FRYL: variants seen among roughly 807,000 people sequenced by gnomAD.
FRYL encodes FRY like transcription coactivator.
In FRYL, 150 loss-of-function variants were observed where a neutral mutation model predicts 351.2. The observed-to-expected ratio is 0.43, with a 90% CI of 0.37 to 0.49. FRYL has a LOEUF of 0.49. Among genes scored for constraint, FRYL ranks in the 20% least tolerant of loss-of-function variants. The probability of loss-of-function intolerance (pLI) is 0.00; values close to 1 mark genes in which losing one functional copy is unlikely to be tolerated. For missense variants in FRYL, 3,036 were observed against 3,619.3 expected, an observed-to-expected ratio of 0.84 and a Z score of 4.13; for synonymous variants, 1,153 against 1,257.1, an observed-to-expected ratio of 0.92 and a Z score of 1.75.
chr4:48,671,893 A>G (rs1762821107), intron 3 of FRYL, among the ~76,000 whole-genome samples: 1 of 145,762 alleles, frequency 6.9e-6, no homozygotes, highest in African/African-American at 2.5e-5. Flanking sequence ...AAAAAAAAAG[A>G]AGGAAAGACA....
intron 35 of FRYL, among the ~76,000 whole-genome samples, chr4:48,554,342 C>CT (rs1035961712): frequency 1.7e-3 from 242 of 145,114 alleles, no homozygotes; most frequent in South Asian, 5.7e-3. Flanking sequence ...CAACCAAATT[C>CT]TTTTTTTTTT....
At chr4:48,641,333 C>A (rs189103943) in intron 3 of FRYL, among the ~76,000 whole-genome samples, 356 of 152,084 alleles carry the variant, frequency 2.3e-3, no homozygotes, top group African/African-American at 8.2e-3. Flanking sequence ...GAAAAGCATA[C>A]CAGATGCTGT....
chr4:48,623,162 T>C lies in FRYL; in HGVS notation c.138A>G (p.Arg46=). ...GAAGATCTTCACCCCTCTGAAGAGA[T>C]CTGGACAATAGCTTCTCCTATGATT... ...MAEPLEKLLS[R]SLQRGEDLQF... The change falls in exon 5 of 64, where the codon AGA becomes AGG. Residue 46 remains arginine (R), a synonymous_variant. Coordinates refer to ENST00000358350, the MANE Select transcript of FRYL (RefSeq NM_015030.2). 6.4e-7 allele frequency: 1 copy of C among 1,555,050 alleles called. No individual in the cohort carries two copies. The highest frequency in any genetic ancestry group is 8.7e-7 in the Non-Finnish European group (1 of 1,147,724).
intron 2 of FRYL, among the ~76,000 whole-genome samples, chr4:48,688,658 ATTTTTT>A (rs11355390): frequency 4.6e-5 from 4 of 86,444 alleles, no homozygotes; most frequent in Non-Finnish European, 6.7e-5. Context: ...CTCTTAGTCA[ATTTTTT>A]TTTTTTTTTT....
In FRYL at chr4:48,705,469, T is replaced by TAA. The variant is rs1037874568; in HGVS notation, c.-204+5048_-204+5049dup. Among the ~76,000 whole-genome samples the TAA allele has an allele frequency of 7.7e-5, 9 of 116,548 alleles. No homozygotes were observed. In the South Asian group the frequency reaches 2.1e-3, roughly 27 times the overall value. The allele number at this position is 116,548 out of a possible 152,430, so 76.5% of individuals were successfully genotyped here. On this transcript the variant is annotated intron_variant, in intron 2 of 63. Coordinates refer to ENST00000358350, the MANE Select transcript of FRYL (RefSeq NM_015030.2). ...GGAGTGATCCCCAGAATATAACAAG[T>TAA]AAAAAAAAAAAACAAAAAACAAAGT...
chr4:48,580,952 C>T lies in FRYL; in HGVS notation c.2173-1G>A. The T allele has an allele frequency of 6.3e-7, 1 of 1,579,748 alleles. No homozygotes were observed. ...CATCTATGGCTAATTCATCATCACC[C>T]TGTAAAAAAGACATCATATGTCTAA... On this transcript the variant is annotated splice_acceptor_variant, in intron 21 of 63. Coordinates refer to ENST00000358350, the MANE Select transcript of FRYL (RefSeq NM_015030.2). LOFTEE classifies it high-confidence loss of function.
Position 48,550,682 on chromosome 4 carries a change from T to C in FRYL, c.4543A>G (p.Ser1515Gly). Residue 1515 changes from serine to glycine, a missense_variant, in exon 38 of 64, where the codon AGT (serine) becomes GGT (glycine). This residue lies in a region of FRYL where 1,987 missense variants were observed against 2,311.7 expected (regional missense o/e 0.86). Coordinates refer to ENST00000358350, the MANE Select transcript of FRYL (RefSeq NM_015030.2). ...EESYVHLDIY[S>G]GLNSHLNRQH... Reference sequence around the variant, plus strand: ...CGATTCAAATGACTGTTTAGTCCACTGTAAATGTCCAGGTGCACATAGCTA... The same window carrying C: ...CGATTCAAATGACTGTTTAGTCCACCGTAAATGTCCAGGTGCACATAGCTA... The C allele has an allele frequency of 6.2e-7, 1 of 1,613,358 alleles. No individual in the cohort carries two copies. The highest frequency in any genetic ancestry group is 8.5e-7 in the Non-Finnish European group (1 of 1,179,268).
At chr4:48,543,693 G>A in intron 44 of FRYL, 114 bp downstream of exon 44, 2 of 852,808 alleles carry the variant, frequency 2.3e-6, no homozygotes, top group Non-Finnish European at 3.5e-6. Flanking sequence ...CTCAACATCT[G>A]ACTATAATTC....
chr4:48,506,250 C>T (rs1164583512), intron 59 of FRYL: 2 of 151,604 alleles, frequency 1.3e-5, no homozygotes, highest in Non-Finnish European at 1.5e-5. Flanking sequence ...TATAAAAGTA[C>T]AGGCTGGGTG....
At chr4:48,504,553 TC>T (rs796384663) in intron 60 of FRYL, among the ~76,000 whole-genome samples, 32 of 152,288 alleles carry the variant, frequency 2.1e-4, no homozygotes, top group African/African-American at 7.7e-4. Context: ...TTCCTTATCT[TC>T]ATTTCTTTAC....
intron 1 of FRYL, among the ~76,000 whole-genome samples, chr4:48,748,275 T>C (rs1156637038): frequency 2.0e-5 from 3 of 151,994 alleles, no homozygotes; most frequent in East Asian, 1.9e-4. Flanking sequence ...AAAAATTATA[T>C]ATATGCATCA....
Position 48,605,836 on chromosome 4 carries a change from T to G in FRYL, c.742-3A>C. 6.5e-7 allele frequency: 1 copy of G among 1,530,546 alleles called. No individual in the cohort carries two copies. Among genetic ancestry groups the G allele is most frequent in the South Asian group, 1.1e-5 (1 of 87,718 alleles). The allele number at this position is 1,530,546 out of a possible 1,614,324, so 94.8% of individuals were successfully genotyped here. ...TCTAAGAAATACTGAGCACATTCCT[T>G]AAAGGGAAAGAGGTATATACTTAGA... On this transcript the variant is annotated splice_polypyrimidine_tract_variant and splice_region_variant and intron_variant, in intron 10 of 63. Coordinates refer to ENST00000358350, the MANE Select transcript of FRYL (RefSeq NM_015030.2).
intron 1 of FRYL, among the ~76,000 whole-genome samples, chr4:48,774,337 T>G (rs1489512813): frequency 6.6e-6 from 1 of 152,170 alleles, no homozygotes; most frequent in Admixed American, 6.6e-5. Context: ...TGCTGCATTA[T>G]GGTCAAATTC....
chr4:48,562,279 C>T (rs946251347), intron 32 of FRYL, among the ~76,000 whole-genome samples: 4 of 151,950 alleles, frequency 2.6e-5, no homozygotes, highest in African/African-American at 9.7e-5. Flanking sequence ...CTGAACTTTC[C>T]TCTTAATTAA....
At chr4:48,765,531 GA>G (rs1237151683) in intron 1 of FRYL, among the ~76,000 whole-genome samples, 3 of 151,470 alleles carry the variant, frequency 2.0e-5, no homozygotes, top group Non-Finnish European at 4.4e-5. Flanking sequence ...CATAAGACCT[GA>G]AACCATAAAA....
chr4:48,543,227 T>G (rs769823362), intron 44 of FRYL, among the ~76,000 whole-genome samples: 1 of 152,220 alleles, frequency 6.6e-6, no homozygotes, highest in African/African-American at 2.4e-5. Context: ...GATTATCATA[T>G]GTAAAACAAT....
chr4:48,547,590 A>G lies in FRYL; in HGVS notation c.5068T>C (p.Phe1690Leu), dbSNP rs144142828. The G allele has an allele frequency of 1.1e-3, 1,612 of 1,532,934 alleles. 24 individuals are homozygous for G. The East Asian group carries it at 0.028, about 26-fold the overall frequency. The allele number at this position is 1,532,934 out of a possible 1,614,324, so 95.0% of individuals were successfully genotyped here. A position where few individuals can be genotyped will look rare whatever the true frequency, so the allele number is the denominator to read the frequency against. ...GTACATTTAAAGCAAATACCTGTGA[A>G]ATTATAATCTAAGTGTGCAACTTGT... ...VKQVAHLDYNFTAGINDFIPD... is the reference protein window; with the variant it reads ...VKQVAHLDYNLTAGINDFIPD... The change falls in exon 41 of 64, where the codon TTC (phenylalanine) becomes CTC (leucine). Residue 1690 changes from phenylalanine to leucine, a missense_variant. Coordinates refer to ENST00000358350, the MANE Select transcript of FRYL (RefSeq NM_015030.2).
chr4:48,539,923 C>T lies in FRYL; in HGVS notation c.6393+48G>A, dbSNP rs199747966. 15 of 1,361,898 alleles carry T rather than the reference C, an allele frequency of 1.1e-5. No individual in the cohort carries two copies. In the East Asian group the frequency reaches 3.5e-4, roughly 31 times the overall value. The allele number at this position is 1,361,898 out of a possible 1,614,324, so 84.4% of individuals were successfully genotyped here. On this transcript the variant is annotated intron_variant, in intron 47 of 63. Coordinates refer to ENST00000358350, the MANE Select transcript of FRYL (RefSeq NM_015030.2). Reference sequence around the variant, plus strand: ...TTTCCCCCTCCTTTAACATAGACTACAAAATAATTTCCCTATAGTGTTACC... The same window carrying T: ...TTTCCCCCTCCTTTAACATAGACTATAAAATAATTTCCCTATAGTGTTACC...
chr4:48,632,104 A>ATG lies in FRYL; in HGVS notation c.120+2186_120+2187insCA, dbSNP rs1553957628. Among the ~76,000 whole-genome samples the ATG allele has an allele frequency of 9.7e-3, 481 of 49,772 alleles. 8 individuals carry two copies. Among genetic ancestry groups the ATG allele is most frequent in the East Asian group, 0.019 (29 of 1,560 alleles). 32.7% of individuals were successfully genotyped at this position (49,772 alleles called of 152,430 possible). ...AAAAAAAAAAAAAATATATATATAT[A>ATG]TATATATATATATATATATATATAT... is the stretch of plus-strand genomic sequence containing the variant. On this transcript the variant is annotated intron_variant, in intron 4 of 63. Coordinates refer to ENST00000358350, the MANE Select transcript of FRYL (RefSeq NM_015030.2).
Sources: gnomAD v4.1 joint callset for allele counts (sites outside exome capture counted in the v4.1 genomes callset) on GRCh38, gnomAD v4.1.1 for gene constraint, gnomAD v4.1.1 regional missense constraint, MANE v1.5 for transcripts, NCBI Gene and HGNC (gene_info 2026-07-23, HGNC 2026-07-21) for gene names.